MAGI1: variants seen among roughly 807,000 people sequenced by gnomAD.
The protein encoded by MAGI1 is membrane-associated guanylate kinase, WW and PDZ domain-containing protein 1.
A neutral mutation model predicts 139.9 loss-of-function variants in MAGI1; 58 were observed. That is an observed-to-expected ratio of 0.41 (90% CI 0.34 to 0.52). MAGI1 has a LOEUF of 0.52. MAGI1 is among the 20% of genes least tolerant of loss of function. The pLI is 0.12. For missense variants in MAGI1, 1,874 were observed against 1,901.6 expected (o/e 0.99, Z 0.27); for synonymous variants, 812 against 737.9 (o/e 1.10, Z -1.63).
At chr3:65,950,044 C>CA (rs143046732) in intron 1 of MAGI1, among the ~76,000 whole-genome samples, 28,061 of 49,288 alleles carry the variant, frequency 0.57, 6,622 homozygotes, top group East Asian at 0.79. Context: ...GCCAGATCAT[C>CA]AAAAAAAAAA....
At chr3:65,586,932 C>T (rs2081711413) in intron 2 of MAGI1, among the ~76,000 whole-genome samples, 1 of 152,134 alleles carries the variant, frequency 6.6e-6, no homozygotes, top group Admixed American at 6.5e-5. Flanking sequence ...AGCTGATGCA[C>T]AGTTTTTCTT....
At chr3:65,440,936 A>G (rs1425964916) in intron 8 of MAGI1, among the ~76,000 whole-genome samples, 2 of 151,628 alleles carry the variant, frequency 1.3e-5, no homozygotes, top group Non-Finnish European at 2.9e-5. Context: ...ACATATACAC[A>G]CACACAAGCA....
chr3:65,596,298 A>C (rs768791881), intron 2 of MAGI1, among the ~76,000 whole-genome samples: 11 of 152,212 alleles, frequency 7.2e-5, no homozygotes, highest in Non-Finnish European at 1.6e-4. Flanking sequence ...CAATGCCCTC[A>C]TGCAAAAGCT....
Position 65,533,760 on chromosome 3 carries a change from C to G in MAGI1, c.431-40129G>C, listed in dbSNP as rs78252421. 3.1e-3 allele frequency among the ~76,000 whole-genome samples: 472 copies of G among 152,236 alleles called. 2 individuals carry two copies. Among genetic ancestry groups the G allele is most frequent in the African/African-American group, 0.011 (443 of 41,546 alleles). On this transcript the variant is annotated intron_variant, in intron 2 of 22. Transcript: ENST00000402939. ...AAGATCTCCTCTATCAAAACATTCTCTGAGCATTAGAATCCATGTGGTTAA... is the reference window on the plus strand; with the variant it reads ...AAGATCTCCTCTATCAAAACATTCTGTGAGCATTAGAATCCATGTGGTTAA...
chr3:65,594,107 C>T (rs190053240), intron 2 of MAGI1, among the ~76,000 whole-genome samples: 19 of 152,170 alleles, frequency 1.2e-4, no homozygotes, highest in Admixed American at 7.2e-4. Flanking sequence ...GGATGTCAAC[C>T]GCCATGGATG....
chr3:65,742,064 G>T (rs1031995728), intron 1 of MAGI1, among the ~76,000 whole-genome samples: 1 of 152,086 alleles, frequency 6.6e-6, no homozygotes, highest in Non-Finnish European at 1.5e-5. Context: ...TTGTTCACTC[G>T]CATGGGGATA....
chr3:65,623,090 C>G (rs1471773403), intron 1 of MAGI1, among the ~76,000 whole-genome samples: 1 of 152,154 alleles, frequency 6.6e-6, no homozygotes, highest in African/African-American at 2.4e-5. Context: ...TACGAGGAAT[C>G]ATATGAAAGT....
In MAGI1 at chr3:66,036,754, C is replaced by T. The variant is rs149906965; in HGVS notation, c.313+1242G>A. Among the ~76,000 whole-genome samples the T allele has an allele frequency of 6.4e-3, 981 of 152,320 alleles. 3 individuals carry two copies. The highest frequency in any genetic ancestry group is 0.011 in the Non-Finnish European group (731 of 68,038). On this transcript the variant is annotated intron_variant, in intron 1 of 22. Coordinates refer to ENST00000402939, the MANE Select transcript of MAGI1 (RefSeq NM_001033057.2). The stretch of plus-strand genomic sequence containing the variant: ...CAGCTGCTGCCTGTCCTTATGGAAA[C>T]ACATGGGAACTTTTCACCATGTTCA...
At chr3:65,516,873 G>T (rs1181747907) in intron 2 of MAGI1, among the ~76,000 whole-genome samples, 6 of 138,538 alleles carry the variant, frequency 4.3e-5, no homozygotes, top group South Asian at 2.6e-4. Flanking sequence ...GACTACAGGC[G>T]CCCGCCACTA....
At chr3:65,662,525 T>C (rs1022521231) in intron 1 of MAGI1, among the ~76,000 whole-genome samples, 5 of 152,224 alleles carry the variant, frequency 3.3e-5, no homozygotes, top group East Asian at 1.9e-4. Context: ...CTGATCTAAA[T>C]AGAAGTTTGA....
At chr3:65,483,275 T>C (rs1005997688) in intron 3 of MAGI1, among the ~76,000 whole-genome samples, 15 of 152,198 alleles carry the variant, frequency 9.9e-5, no homozygotes, top group Admixed American at 9.8e-4. Context: ...GGATGGGTCA[T>C]GCTTGCTCCA....
chr3:65,938,529 T>C (rs541488404), intron 1 of MAGI1, among the ~76,000 whole-genome samples: 60 of 152,002 alleles, frequency 3.9e-4, no homozygotes, highest in African/African-American at 1.4e-3. Context: ...ATAAGGACAT[T>C]GTTAAAAATG....
chr3:65,382,571 T>C (rs985790587), intron 15 of MAGI1, among the ~76,000 whole-genome samples: 13 of 152,240 alleles, frequency 8.5e-5, no homozygotes, highest in African/African-American at 2.9e-4. Flanking sequence ...GCACTCTTTA[T>C]AGTTAGTGTC....
intron 1 of MAGI1, among the ~76,000 whole-genome samples, chr3:65,700,837 T>C (rs952092761): frequency 4.6e-5 from 7 of 152,206 alleles, no homozygotes; most frequent in African/African-American, 1.7e-4. Context: ...TCTAATGAAG[T>C]TGATGCATGT....
chr3:65,962,829 GGAA>G (rs1168507583), intron 1 of MAGI1, among the ~76,000 whole-genome samples: 7 of 126,014 alleles, frequency 5.6e-5, no homozygotes, highest in East Asian at 2.5e-4. Context: ...TGTCTCGGGG[GGAA>G]AAAAAAAAAA....
intron 1 of MAGI1, among the ~76,000 whole-genome samples, chr3:65,676,344 A>T (rs2087188732): frequency 1.3e-5 from 2 of 152,234 alleles, no homozygotes; most frequent in African/African-American, 4.8e-5. Context: ...CTCTATTTAA[A>T]CAGCATGAAA....
At chr3:65,994,384 A>G (rs1023589263) in intron 1 of MAGI1, among the ~76,000 whole-genome samples, 2 of 152,084 alleles carry the variant, frequency 1.3e-5, no homozygotes, top group Admixed American at 1.3e-4. Context: ...CCCTTTTCAA[A>G]ATACTTTCAA....
intron 1 of MAGI1, among the ~76,000 whole-genome samples, chr3:65,765,749 C>G (rs2037416155): frequency 6.6e-6 from 1 of 152,200 alleles, no homozygotes; most frequent in Non-Finnish European, 1.5e-5. Context: ...CCCATGAAAT[C>G]TACTGATATT....
chr3:65,478,680 C>T lies in MAGI1; in HGVS notation c.669G>A (p.Lys223=). ...GSKQSTPKRT[K]SYNDMQNAGI... is the part of the protein sequence containing the mutation. ...CAGCATTTTGCATATCATTGTAGGA[C>T]TTGGTTCGCTTCGGGGTCGACTGCT... is the stretch of plus-strand genomic sequence containing the variant. Residue 223 remains lysine, a synonymous_variant, in exon 4 of 23, where the codon AAG becomes AAA. Coordinates refer to ENST00000402939, the MANE Select transcript of MAGI1 (RefSeq NM_001033057.2). 6.2e-7 allele frequency: 1 copy of T among 1,614,046 alleles called. No individual in the cohort carries two copies. Among genetic ancestry groups the T allele is most frequent in the South Asian group, 1.1e-5 (1 of 91,078 alleles).
Sources: gnomAD v4.1 joint callset for allele counts (sites outside exome capture counted in the v4.1 genomes callset) on GRCh38, gnomAD v4.1.1 for gene constraint, MANE v1.5 for transcripts, NCBI Gene and HGNC (gene_info 2026-07-23, HGNC 2026-07-21) for gene names.